CYP39A1: variants seen among roughly 807,000 people sequenced by gnomAD.
CYP39A1 encodes cytochrome P450 family 39 subfamily A member 1, also known as 24-hydroxycholesterol 7-alpha-hydroxylase.
CYP39A1 carries 49 observed loss-of-function variants against 58.1 expected under a neutral mutation model. The ratio of observed to expected loss-of-function variants is 0.84; its 90% CI spans 0.67 to 1.07. The LOEUF is 1.07. Among genes scored for constraint, CYP39A1 ranks in the 50% least tolerant of loss-of-function variants. CYP39A1 has a pLI of 0.00. For synonymous variants in CYP39A1, 209 were observed against 187.6 expected, an observed-to-expected ratio of 1.11 and a Z score of -0.93; for missense variants, 531 against 539.4, an observed-to-expected ratio of 0.98 and a Z score of 0.16.
chr6:46,555,844 G>A lies in CYP39A1; in HGVS notation c.1251-1990C>T, dbSNP rs549837346. Among the ~76,000 whole-genome samples the A allele has an allele frequency of 1.1e-4, 16 of 152,210 alleles. No homozygotes were observed. In the East Asian group the frequency reaches 3.1e-3, roughly 29 times the overall value. On this transcript the variant is annotated intron_variant, in intron 10 of 11. Coordinates refer to ENST00000275016, the MANE Select transcript of CYP39A1 (RefSeq NM_016593.5). ...TGAAATCTGGAGCACTCCAGGTGTGGCTATAATCCATCTGAATATCACATC... is the reference window on the plus strand; with the variant it reads ...TGAAATCTGGAGCACTCCAGGTGTGACTATAATCCATCTGAATATCACATC...
intron 1 of CYP39A1, among the ~76,000 whole-genome samples, chr6:46,651,092 T>G (rs1441527010): frequency 6.6e-6 from 1 of 152,244 alleles, no homozygotes; most frequent in Non-Finnish European, 1.5e-5. Context: ...ATATTCATAC[T>G]TCTTTTTCCA....
chr6:46,637,235 G>A (rs1776043871), intron 4 of CYP39A1, among the ~76,000 whole-genome samples: 1 of 152,162 alleles, frequency 6.6e-6, no homozygotes, highest in Admixed American at 6.5e-5. Context: ...GACCATGCTG[G>A]CACCCTCATC....
At chr6:46,601,805 G>A (rs1773524891) in intron 7 of CYP39A1, among the ~76,000 whole-genome samples, 1 of 151,776 alleles carries the variant, frequency 6.6e-6, no homozygotes, top group Non-Finnish European at 1.5e-5. Flanking sequence ...ACAGGCGTGA[G>A]CCACCATGCC....
chr6:46,592,424 G>C (rs1772894314), intron 8 of CYP39A1, among the ~76,000 whole-genome samples: 1 of 152,044 alleles, frequency 6.6e-6, no homozygotes, highest in African/African-American at 2.4e-5. Context: ...ACCTGTTTTT[G>C]AAAACATATG....
intron 1 of CYP39A1, among the ~76,000 whole-genome samples, chr6:46,642,711 A>G (rs1371795098): frequency 1.3e-5 from 2 of 152,220 alleles, no homozygotes; most frequent in African/African-American, 2.4e-5. Flanking sequence ...TGGGAAATCC[A>G]TGGTTATTCA....
chr6:46,561,488 C>T (rs1048360831), intron 10 of CYP39A1, among the ~76,000 whole-genome samples: 1 of 151,978 alleles, frequency 6.6e-6, no homozygotes, highest in Non-Finnish European at 1.5e-5. Flanking sequence ...AAGGGACAGA[C>T]TTAGAAGAAA....
At chr6:46,575,283 C>G (rs541965498) in intron 10 of CYP39A1, among the ~76,000 whole-genome samples, 2 of 152,158 alleles carry the variant, frequency 1.3e-5, no homozygotes, top group African/African-American at 2.4e-5. Flanking sequence ...GGACACTCAT[C>G]CCACAAGGCT....
chr6:46,636,356 T>A, intron 5 of CYP39A1, 33 bp downstream of exon 5: 2 of 1,447,982 alleles, frequency 1.4e-6, no homozygotes, highest in Non-Finnish European at 1.9e-6. Flanking sequence ...TTACTATCTT[T>A]ACATTAGCAA....
At chr6:46,582,429 G>T (rs1772183929) in intron 10 of CYP39A1, among the ~76,000 whole-genome samples, 1 of 152,122 alleles carries the variant, frequency 6.6e-6, no homozygotes, top group South Asian at 2.1e-4. Context: ...AGCATCATAA[G>T]TCCCAAATAT....
intron 3 of CYP39A1, 139 bp from the exon 4 acceptor site, chr6:46,638,117 CTT>C: frequency 1.2e-6 from 1 of 830,138 alleles, no homozygotes. Flanking sequence ...AAAAGTCACT[CTT>C]AAGAAGTTTT....
At chr6:46,638,823 C>T (rs1407488537) in intron 3 of CYP39A1, among the ~76,000 whole-genome samples, 3 of 152,126 alleles carry the variant, frequency 2.0e-5, no homozygotes, top group Admixed American at 6.5e-5. Flanking sequence ...GGCAAAGTGA[C>T]TCAGGTAACT....
chr6:46,553,141 A>C (rs1770499195), intron 11 of CYP39A1, among the ~76,000 whole-genome samples: 1 of 151,832 alleles, frequency 6.6e-6, no homozygotes, highest in African/African-American at 2.4e-5. Context: ...CTACTGGATC[A>C]GAAATTCTAG....
intron 10 of CYP39A1, chr6:46,583,148 T>C (rs925730702): frequency 1.0e-6 from 1 of 985,230 alleles, no homozygotes; most frequent in Non-Finnish European, 1.2e-6. Flanking sequence ...CATGCTTCAT[T>C]TTAACTTCTC....
chr6:46,583,523 G>C (rs1234593247), intron 10 of CYP39A1: 3 of 985,214 alleles, frequency 3.0e-6, no homozygotes, highest in Non-Finnish European at 2.4e-6. Flanking sequence ...TCTTCACTTT[G>C]CAAGCTACAA....
At chr6:46,603,692 TG>T (rs1469830153) in intron 7 of CYP39A1, among the ~76,000 whole-genome samples, 3 of 152,250 alleles carry the variant, frequency 2.0e-5, no homozygotes, top group African/African-American at 4.8e-5. Context: ...AGACACTTTT[TG>T]GTTTACTCAC....
At chr6:46,644,916 C>T (rs9472812) in intron 1 of CYP39A1, among the ~76,000 whole-genome samples, 146,217 of 152,290 alleles carry the variant, frequency 0.96, 70,251 homozygotes, top group East Asian at 1. Flanking sequence ...TTTCGTGTAC[C>T]AATTTGACAT....
intron 5 of CYP39A1, among the ~76,000 whole-genome samples, chr6:46,632,922 GA>G (rs550909285): frequency 1.4e-5 from 2 of 146,442 alleles, no homozygotes; most frequent in Admixed American, 6.8e-5. Context: ...CTATGACACA[GA>G]AAAAAAAAAC....
chr6:46,568,128 G>A (rs1771395259), intron 10 of CYP39A1, among the ~76,000 whole-genome samples: 1 of 152,044 alleles, frequency 6.6e-6, no homozygotes, highest in South Asian at 2.1e-4. Context: ...TTTCAATGGA[G>A]TTTTGATTTG....
intron 10 of CYP39A1, among the ~76,000 whole-genome samples, chr6:46,564,095 T>C (rs1411110578): frequency 6.7e-6 from 1 of 149,842 alleles, no homozygotes; most frequent in Non-Finnish European, 1.5e-5. Flanking sequence ...TTGTTTTTTA[T>C]TTTGTATTTT....
Sources: gnomAD v4.1 joint callset for allele counts (sites outside exome capture counted in the v4.1 genomes callset) on GRCh38, gnomAD v4.1.1 for gene constraint, MANE v1.5 for transcripts, NCBI Gene and HGNC (gene_info 2026-07-23, HGNC 2026-07-21) for gene names.